Variants in PARD3B observed in about 807,000 individuals in gnomAD.
PARD3B encodes par-3 family cell polarity regulator beta, also known as partitioning defective 3 homolog B.
In PARD3B, 103 loss-of-function variants were observed where a neutral mutation model predicts 130.2. The observed-to-expected ratio is 0.79, with a 90% CI of 0.67 to 0.93. PARD3B has a LOEUF of 0.93. PARD3B is among the 40% of genes least tolerant of loss of function. The probability of loss-of-function intolerance (pLI) is 0.00; values close to 1 mark genes in which losing one functional copy is unlikely to be tolerated. For missense variants in PARD3B, 1,609 were observed against 1,499.2 expected (o/e 1.07, Z -1.21); for synonymous variants, 583 against 553.2 (o/e 1.05, Z -0.76).
chr2:205,469,843 C>T (rs1347281352), intron 20 of PARD3B, among the ~76,000 whole-genome samples: 4 of 152,200 alleles, frequency 2.6e-5, no homozygotes, highest in African/African-American at 9.7e-5. Context: ...ACTTGCTTGC[C>T]TCCAGTATCA....
At chr2:204,739,479 G>A (rs955476844) in intron 2 of PARD3B, among the ~76,000 whole-genome samples, 1 of 152,058 alleles carries the variant, frequency 6.6e-6, no homozygotes, top group African/African-American at 2.4e-5. Flanking sequence ...TTGAGAGACA[G>A]TATTTTGCTC....
intron 3 of PARD3B, among the ~76,000 whole-genome samples, chr2:205,005,388 G>T (rs984301645): frequency 1.3e-5 from 2 of 152,112 alleles, no homozygotes; most frequent in Non-Finnish European, 2.9e-5. Context: ...AAAATATGAT[G>T]TCCCAAATTG....
chr2:205,415,861 G>T (rs773231769), intron 19 of PARD3B, among the ~76,000 whole-genome samples: 2 of 152,058 alleles, frequency 1.3e-5, no homozygotes, highest in Non-Finnish European at 2.9e-5. Context: ...CATGCCAATT[G>T]ACACAGGAAA....
chr2:205,339,170 A>G (rs1290708777), intron 18 of PARD3B, among the ~76,000 whole-genome samples: 2 of 152,164 alleles, frequency 1.3e-5, no homozygotes, highest in Admixed American at 6.5e-5. Flanking sequence ...TTTGAATATC[A>G]GTTCATCATC....
intron 3 of PARD3B, among the ~76,000 whole-genome samples, chr2:204,980,987 G>A (rs72942308): frequency 0.081 from 12,345 of 152,136 alleles, 629 homozygotes; most frequent in Non-Finnish European, 0.11. Flanking sequence ...TTAACATAGG[G>A]GAAACTCGAT....
intron 20 of PARD3B, among the ~76,000 whole-genome samples, chr2:205,474,488 A>G (rs1041826189): frequency 3.3e-5 from 5 of 152,156 alleles, no homozygotes; most frequent in Non-Finnish European, 5.9e-5. Context: ...TCCTGTGTCA[A>G]TTAATCTCTT....
At chr2:205,075,610 T>G (rs1700995801) in intron 4 of PARD3B, among the ~76,000 whole-genome samples, 1 of 151,720 alleles carries the variant, frequency 6.6e-6, no homozygotes, top group Non-Finnish European at 1.5e-5. Context: ...TACTTCTTAT[T>G]TCTTCATAAG....
chr2:205,110,633 TG>T (rs1410731966), intron 5 of PARD3B, among the ~76,000 whole-genome samples: 18 of 117,470 alleles, frequency 1.5e-4, no homozygotes, highest in South Asian at 2.7e-4. Flanking sequence ...TTCTGTTTTT[TG>T]TTTTTTGTTT....
At chr2:205,197,072 T>TGA (rs2036736527) in intron 15 of PARD3B, among the ~76,000 whole-genome samples, 2 of 148,830 alleles carry the variant, frequency 1.3e-5, no homozygotes, top group African/African-American at 2.5e-5. Context: ...TGTGTGTGTG[T>TGA]GTGAGAGAGA....
chr2:204,685,665 G>A (rs570112957), intron 1 of PARD3B, among the ~76,000 whole-genome samples: 2 of 152,332 alleles, frequency 1.3e-5, no homozygotes, highest in African/African-American at 4.8e-5. Context: ...ATATCTCAGA[G>A]TGAGGCTGCA....
At chr2:204,791,708 T>G (rs369174700) in intron 2 of PARD3B, among the ~76,000 whole-genome samples, 4 of 152,322 alleles carry the variant, frequency 2.6e-5, no homozygotes, top group African/African-American at 9.6e-5. Flanking sequence ...GCCTCACCCT[T>G]TTAAAATAAG....
At chr2:204,896,133 T>G (rs990095405) in intron 2 of PARD3B, among the ~76,000 whole-genome samples, 1 of 152,194 alleles carries the variant, frequency 6.6e-6, no homozygotes, top group African/African-American at 2.4e-5. Context: ...TCTGTACTTG[T>G]TCTGTGAAAT....
chr2:205,447,674 G>A (rs959161702), intron 20 of PARD3B, among the ~76,000 whole-genome samples: 1 of 152,186 alleles, frequency 6.6e-6, no homozygotes, highest in Non-Finnish European at 1.5e-5. Context: ...ACCGCACCCG[G>A]CTGATTTAAC....
chr2:205,340,077 A>T (rs12623757), intron 18 of PARD3B, among the ~76,000 whole-genome samples: 90,275 of 151,928 alleles, frequency 0.59, 30,538 homozygotes, highest in South Asian at 0.77. Flanking sequence ...CTGAAAAACC[A>T]CTACCTAGAA....
chr2:205,509,900 C>T (rs1036104498), intron 21 of PARD3B, among the ~76,000 whole-genome samples: 12 of 152,200 alleles, frequency 7.9e-5, no homozygotes, highest in Non-Finnish European at 2.9e-5. Flanking sequence ...AAGGGCCAGT[C>T]GCTACAACTA....
At chr2:205,466,495 C>T (rs941603132) in intron 20 of PARD3B, among the ~76,000 whole-genome samples, 12 of 152,154 alleles carry the variant, frequency 7.9e-5, no homozygotes, top group African/African-American at 2.7e-4. Flanking sequence ...GCTGTGTCTC[C>T]ACAGTTGAAT....
At chr2:204,776,101 C>T (rs1186143274) in intron 2 of PARD3B, among the ~76,000 whole-genome samples, 1 of 152,174 alleles carries the variant, frequency 6.6e-6, no homozygotes, top group South Asian at 2.1e-4. Context: ...GTCTGATAAT[C>T]TCCTGACATA....
Position 205,288,676 on chromosome 2 carries a change from C to T in PARD3B, c.2186-11854C>T, listed in dbSNP as rs558115667. Reference sequence around the variant, plus strand: ...CCACATTGTTTTTTGTTACTAGTCACTCCATCCTCCCGGTGTCCCCACCCC... The same window carrying T: ...CCACATTGTTTTTTGTTACTAGTCATTCCATCCTCCCGGTGTCCCCACCCC... On this transcript the variant is annotated intron_variant, in intron 16 of 22. Coordinates refer to ENST00000406610, the MANE Select transcript of PARD3B (RefSeq NM_001302769.2). The surrounding 1 kb of genome is among the most constrained non-coding windows in gnomAD (Gnocchi z 4.0). 6.6e-6 allele frequency among the ~76,000 whole-genome samples: 1 copy of T among 152,156 alleles called. No homozygotes were observed. Among genetic ancestry groups the T allele is most frequent in the Non-Finnish European group, 1.5e-5 (1 of 68,026 alleles).
At chr2:205,127,121 C>A (rs1359462928) in intron 10 of PARD3B, among the ~76,000 whole-genome samples, 2 of 151,572 alleles carry the variant, frequency 1.3e-5, no homozygotes, top group Non-Finnish European at 1.5e-5. Flanking sequence ...TATGGTGAAA[C>A]CCCGTCTCTA....
Sources: gnomAD v4.1 joint callset for allele counts (sites outside exome capture counted in the v4.1 genomes callset) on GRCh38, gnomAD v4.1.1 for gene constraint, Gnocchi (gnomAD v3.1) non-coding constraint, MANE v1.5 for transcripts, NCBI Gene and HGNC (gene_info 2026-07-23, HGNC 2026-07-21) for gene names.